The following SLC39A12 variants were observed in gnomAD, a reference collection of about 807,000 sequenced individuals.
SLC39A12 encodes the protein zinc transporter ZIP12.
Under a neutral mutation model 71.1 loss-of-function variants are expected in SLC39A12, and 63 were observed. That is an observed-to-expected ratio of 0.89 (90% CI 0.72 to 1.09). The LOEUF is 1.09. Among genes scored for constraint, SLC39A12 ranks in the 50% least tolerant of loss-of-function variants. The pLI is 0.00. For synonymous variants in SLC39A12, 351 were observed against 301.3 expected, an observed-to-expected ratio of 1.16 and a Z score of -1.71; for missense variants, 892 against 812.6, an observed-to-expected ratio of 1.10 and a Z score of -1.19.
At chr10:17,983,072 C>T (rs778533089) in intron 6 of SLC39A12, among the ~76,000 whole-genome samples, 1 of 137,580 alleles carries the variant, frequency 7.3e-6, no homozygotes, top group Non-Finnish European at 1.5e-5. Flanking sequence ...TGCTGGTGGG[C>T]GGCTGTAGTC....
intron 12 of SLC39A12, among the ~76,000 whole-genome samples, chr10:18,009,153 T>C (rs561808218): frequency 6.6e-6 from 1 of 151,974 alleles, no homozygotes; most frequent in Non-Finnish European, 1.5e-5. Context: ...TTTCCTAGGG[T>C]TTTTAGATCC....
chr10:18,038,462 C>A (rs898795647), intron 12 of SLC39A12, among the ~76,000 whole-genome samples: 1 of 152,006 alleles, frequency 6.6e-6, no homozygotes, highest in Non-Finnish European at 1.5e-5. Flanking sequence ...ACCAGCCTGG[C>A]TAACATGGTG....
intron 5 of SLC39A12, among the ~76,000 whole-genome samples, chr10:17,980,898 A>G (rs990984872): frequency 1.3e-5 from 2 of 152,200 alleles, no homozygotes; most frequent in Admixed American, 1.3e-4. Flanking sequence ...AGTATGAAAG[A>G]CAGTGACCTC....
At chr10:17,992,867 A>C (rs1481345722) in intron 8 of SLC39A12, among the ~76,000 whole-genome samples, 2 of 152,252 alleles carry the variant, frequency 1.3e-5, no homozygotes. Context: ...TTGTTTTAGT[A>C]GTCACAGGGT....
At chr10:18,013,899 C>G (rs2130865227) in intron 12 of SLC39A12, among the ~76,000 whole-genome samples, 1 of 152,248 alleles carries the variant, frequency 6.6e-6, no homozygotes, top group African/African-American at 2.4e-5. Flanking sequence ...ATCAGGAAAT[C>G]TAAGATCTCC....
chr10:18,015,645 A>G (rs59489371), intron 12 of SLC39A12, among the ~76,000 whole-genome samples: 2,776 of 16,356 alleles, frequency 0.17, 90 homozygotes, highest in African/African-American at 0.48. Context: ...TTTATTTTTA[A>G]AAAAATTTTT....
intron 12 of SLC39A12, among the ~76,000 whole-genome samples, chr10:18,036,612 C>T (rs2488128): frequency 0.5 from 74,896 of 150,990 alleles, 19,284 homozygotes; most frequent in Non-Finnish European, 0.57. Context: ...CCGTCTTCTG[C>T]GTCGCTCACG....
chr10:18,018,854 G>C (rs1018352148), intron 12 of SLC39A12, among the ~76,000 whole-genome samples: 4 of 152,030 alleles, frequency 2.6e-5, no homozygotes, highest in African/African-American at 9.7e-5. Flanking sequence ...GGTGTTCTTT[G>C]TTTGTAATGT....
intron 12 of SLC39A12, among the ~76,000 whole-genome samples, chr10:18,009,123 G>A (rs939326456): frequency 2.6e-5 from 4 of 152,134 alleles, no homozygotes; most frequent in Admixed American, 6.5e-5. Context: ...CTGAAGCAAT[G>A]TTTCAAACCT....
At chr10:17,982,762 T>G (rs1425658067) in intron 6 of SLC39A12, among the ~76,000 whole-genome samples, 1 of 152,058 alleles carries the variant, frequency 6.6e-6, no homozygotes. Flanking sequence ...GGGGCCGGAA[T>G]GTACAGGCCG....
intron 3 of SLC39A12, among the ~76,000 whole-genome samples, chr10:17,965,126 G>C (rs1834790077): frequency 6.6e-6 from 1 of 152,066 alleles, no homozygotes; most frequent in Non-Finnish European, 1.5e-5. Flanking sequence ...AGAATCGCTT[G>C]AACCCGGGAG....
At chr10:18,020,585 C>T (rs1402305956) in intron 12 of SLC39A12, among the ~76,000 whole-genome samples, 1 of 152,056 alleles carries the variant, frequency 6.6e-6, no homozygotes, top group East Asian at 1.9e-4. Flanking sequence ...ACATTTTCAC[C>T]AGCAGTATAT....
At chr10:18,038,131 T>G (rs931695817) in intron 12 of SLC39A12, among the ~76,000 whole-genome samples, 8 of 148,634 alleles carry the variant, frequency 5.4e-5, no homozygotes, top group African/African-American at 2.0e-4. Context: ...TTGCAACTCC[T>G]GAAGACATTG....
intron 9 of SLC39A12, among the ~76,000 whole-genome samples, chr10:17,995,244 A>C (rs371044232): frequency 6.6e-6 from 1 of 152,216 alleles, no homozygotes; most frequent in African/African-American, 2.4e-5. Flanking sequence ...TCCAAAATAC[A>C]TCGACTGCTC....
intron 12 of SLC39A12, among the ~76,000 whole-genome samples, chr10:18,007,515 G>A (rs1055719937): frequency 1.3e-5 from 2 of 152,132 alleles, no homozygotes; most frequent in African/African-American, 4.8e-5. Context: ...AGAATTCAGA[G>A]AGAGTCCACA....
rs557923130 is a variant in SLC39A12 at position 18,017,230 on chromosome 10, C to T, written c.1947+13872C>T. ...AAGTCATTGCTATACCTAAGGTCAC[C>T]TAGATTTCTTTTATCCTAATCTTCT... On this transcript the variant is annotated intron_variant, in intron 12 of 12. Transcript: ENST00000377369. Among the ~76,000 whole-genome samples the T allele has an allele frequency of 1.9e-3, 293 of 152,212 alleles. 2 individuals are homozygous for T. Among genetic ancestry groups the T allele is most frequent in the African/African-American group, 6.7e-3 (280 of 41,530 alleles).
At chr10:18,041,601 GTA>G (rs1334193166) in intron 12 of SLC39A12, among the ~76,000 whole-genome samples, 44 of 134,100 alleles carry the variant, frequency 3.3e-4, no homozygotes, top group East Asian at 1.9e-3. Context: ...ATATATATGT[GTA>G]TATATATGTA....
At chr10:17,986,652 T>G (rs1835405395) in intron 6 of SLC39A12, among the ~76,000 whole-genome samples, 3 of 152,222 alleles carry the variant, frequency 2.0e-5, no homozygotes, top group Non-Finnish European at 4.4e-5. Context: ...ACACAAACAT[T>G]TAGACCATAG....
chr10:18,034,648 T>C (rs1299432192), intron 12 of SLC39A12, among the ~76,000 whole-genome samples: 1 of 151,852 alleles, frequency 6.6e-6, no homozygotes, highest in Non-Finnish European at 1.5e-5. Context: ...TCCATTTACA[T>C]TTAAAGTTAA....
Sources: gnomAD v4.1 joint callset for allele counts (sites outside exome capture counted in the v4.1 genomes callset) on GRCh38, gnomAD v4.1.1 for gene constraint, MANE v1.5 for transcripts, NCBI Gene and HGNC (gene_info 2026-07-23, HGNC 2026-07-21) for gene names.